Variants in HIRA observed in about 807,000 individuals in gnomAD.
HIRA encodes the protein protein HIRA.
A neutral mutation model predicts 126.6 loss-of-function variants in HIRA; 13 were observed. That is an observed-to-expected ratio of 0.10 (90% CI 0.07 to 0.16). The LOEUF (loss-of-function observed/expected upper bound fraction) is 0.16. Ranked by LOEUF, HIRA falls within the 10% of genes least tolerant of loss-of-function variation. HIRA has a pLI of 1.00. For missense variants in HIRA, 834 were observed against 1,314.4 expected, an observed-to-expected ratio of 0.63 and a Z score of 5.65; for synonymous variants, 511 against 520.0, an observed-to-expected ratio of 0.98 and a Z score of 0.24.
chr22:19,431,596 C>T lies in HIRA; in HGVS notation c.-120G>A, dbSNP rs990556151. 5 of 922,112 alleles carry T rather than the reference C, an allele frequency of 5.4e-6. No individual in the cohort carries two copies. The highest frequency in any genetic ancestry group is 3.9e-6 in the Non-Finnish European group (3 of 773,652). The allele number at this position is 922,112 out of a possible 1,614,324, so 57.1% of individuals were successfully genotyped here. A position where few individuals can be genotyped will look rare whatever the true frequency, so the allele number is the denominator to read the frequency against. On this transcript the variant is annotated 5_prime_UTR_variant, in exon 1 of 25. Coordinates refer to ENST00000263208, the MANE Select transcript of HIRA (RefSeq NM_003325.4). ...CCCGCCCTCCGGCCGCCGCCCGCCC[C>T]GCGCCCTCAGGGCCGCCGCGCCATC...
chr22:19,375,932 T>G (rs2089014387), intron 14 of HIRA, 140 bp from the exon 15 acceptor site: 2 of 887,948 alleles, frequency 2.3e-6, no homozygotes, highest in Non-Finnish European at 3.4e-6. Flanking sequence ...AGATACAATC[T>G]ACTACTCCCA....
intron 15 of HIRA, among the ~76,000 whole-genome samples, chr22:19,367,491 C>G (rs2088924677): frequency 6.6e-6 from 1 of 151,966 alleles, no homozygotes; most frequent in African/African-American, 2.4e-5. Flanking sequence ...CTCAGCCTCC[C>G]AAGTAGCTGA....
chr22:19,373,080 T>G (rs1181893808), intron 15 of HIRA, among the ~76,000 whole-genome samples: 1 of 152,252 alleles, frequency 6.6e-6, no homozygotes. Flanking sequence ...GTGTCATATC[T>G]AAGAAACAGT....
chr22:19,360,361 G>A (rs749010499), intron 17 of HIRA, among the ~76,000 whole-genome samples: 2 of 152,202 alleles, frequency 1.3e-5, no homozygotes, highest in Admixed American at 6.5e-5. Flanking sequence ...GCAAGAGCAC[G>A]TCTGAACGCT....
intron 13 of HIRA, among the ~76,000 whole-genome samples, chr22:19,381,669 C>T (rs1569301672): frequency 6.6e-6 from 1 of 152,256 alleles, no homozygotes; most frequent in East Asian, 1.9e-4. Context: ...CAGTAAGGTT[C>T]TGTTTGTTAC....
At chr22:19,396,052 G>A (rs1315650855) in intron 7 of HIRA, among the ~76,000 whole-genome samples, 2 of 151,690 alleles carry the variant, frequency 1.3e-5, no homozygotes, top group African/African-American at 4.9e-5. Context: ...AACAAGCACA[G>A]CACAGTCGAG....
At chr22:19,408,310 G>A (rs1186529754) in intron 3 of HIRA, among the ~76,000 whole-genome samples, 173 bp downstream of exon 3, 1 of 152,194 alleles carries the variant, frequency 6.6e-6, no homozygotes, top group Non-Finnish European at 1.5e-5. Flanking sequence ...TGGGCGGGCC[G>A]AGTCTTCTGC....
intron 1 of HIRA, among the ~76,000 whole-genome samples, chr22:19,411,040 G>A (rs557866183): frequency 1.3e-5 from 2 of 152,352 alleles, no homozygotes; most frequent in South Asian, 2.1e-4. Flanking sequence ...CTGAGTCTCA[G>A]GTACTTAGTG....
intron 15 of HIRA, among the ~76,000 whole-genome samples, chr22:19,367,507 C>T (rs1338567624): frequency 6.6e-6 from 1 of 152,082 alleles, no homozygotes; most frequent in African/African-American, 2.4e-5. Flanking sequence ...GCTGAGATTA[C>T]AGGCACGCAC....
chr22:19,347,709 T>G (rs1040881085), intron 24 of HIRA, among the ~76,000 whole-genome samples: 3 of 151,786 alleles, frequency 2.0e-5, no homozygotes, highest in Non-Finnish European at 4.4e-5. Context: ...GAGGCTGAGG[T>G]GGGTAGATCA....
At chr22:19,394,597 T>G (rs1348503272) in intron 7 of HIRA, 88 bp from the exon 8 acceptor site, 9 of 1,330,014 alleles carry the variant, frequency 6.8e-6, no homozygotes, top group Non-Finnish European at 7.3e-6. Flanking sequence ...AACTTCAATT[T>G]ATAAATGTGT....
intron 4 of HIRA, 94 bp downstream of exon 4, chr22:19,407,090 A>G: frequency 1.0e-6 from 1 of 993,666 alleles, no homozygotes; most frequent in Non-Finnish European, 1.6e-6. Flanking sequence ...GGGCTATGGG[A>G]ACTTCAGTGA....
chr22:19,347,617 G>T (rs879980054), intron 24 of HIRA, among the ~76,000 whole-genome samples: 1 of 152,174 alleles, frequency 6.6e-6, no homozygotes, highest in Non-Finnish European at 1.5e-5. Context: ...TATCCATGAG[G>T]AAGAAGCTAG....
At chr22:19,336,048 T>TA (rs1229561159) in intron 24 of HIRA, among the ~76,000 whole-genome samples, 1 of 152,256 alleles carries the variant, frequency 6.6e-6, no homozygotes, top group Non-Finnish European at 1.5e-5. Context: ...GATTTATTCT[T>TA]AGATACTTTA....
At chr22:19,339,021 G>A (rs908433332) in intron 24 of HIRA, among the ~76,000 whole-genome samples, 1 of 152,096 alleles carries the variant, frequency 6.6e-6, no homozygotes, top group South Asian at 2.1e-4. Context: ...TCAGCACATG[G>A]AACATTCTCC....
intron 15 of HIRA, among the ~76,000 whole-genome samples, chr22:19,366,711 A>G (rs1293668244): frequency 6.6e-6 from 1 of 152,230 alleles, no homozygotes; most frequent in Non-Finnish European, 1.5e-5. Context: ...GTTTCTTAAG[A>G]TGGAATCTCC....
rs1294904246 is a variant in HIRA, at chr22:19,334,254, C to T, written c.2938-2698G>A. Among the ~76,000 whole-genome samples, 3 of 151,200 alleles carry T rather than the reference C, an allele frequency of 2.0e-5. 1 individual carries two copies. Among genetic ancestry groups the T allele is most frequent in the Non-Finnish European group, 2.9e-5 (2 of 67,850 alleles). The stretch of plus-strand genomic sequence containing the variant: ...CCTCCCAAAGTGCTGGGATTACAGG[C>T]ATGAGCCACTGCACCCGGCCCTCAT... On this transcript the variant is annotated intron_variant, in intron 24 of 24. Transcript: ENST00000263208.
intron 21 of HIRA, among the ~76,000 whole-genome samples, chr22:19,354,459 T>C (rs2088790637): frequency 6.6e-6 from 1 of 152,208 alleles, no homozygotes. Flanking sequence ...AACACTGCCA[T>C]GGTCTGCCCA....
rs367998169 is a variant in HIRA at position 19,421,667 on chromosome 22, C to G, written c.37+9773G>C. 2.1e-4 allele frequency among the ~76,000 whole-genome samples: 32 copies of G among 152,074 alleles called. 1 individual carries two copies. The highest frequency in any genetic ancestry group is 6.5e-4 in the African/African-American group (27 of 41,398). ...AACTCATCCTTCTGTTCTCTCTTAA[C>G]TCTTTTGTGTGTGTGTGTGTATGAG... On this transcript the variant is annotated intron_variant, in intron 1 of 24. Transcript: ENST00000263208.
Sources: gnomAD v4.1 joint callset for allele counts (sites outside exome capture counted in the v4.1 genomes callset) on GRCh38, gnomAD v4.1.1 for gene constraint, MANE v1.5 for transcripts, NCBI Gene and HGNC (gene_info 2026-07-23, HGNC 2026-07-21) for gene names.